MRPS6: variants seen among roughly 807,000 people sequenced by gnomAD.
The protein encoded by MRPS6 is mitochondrial ribosomal protein S6.
In MRPS6, 6 loss-of-function variants were observed where a neutral mutation model predicts 13.1. The observed-to-expected ratio is 0.46, with a 90% confidence interval of 0.25 to 0.91. The LOEUF (loss-of-function observed/expected upper bound fraction) is 0.91. Ranked by LOEUF, MRPS6 falls within the 40% of genes least tolerant of loss-of-function variation. The pLI is 0.18. For synonymous variants in MRPS6, 61 were observed against 56.5 expected (o/e 1.08, Z -0.36); for missense variants, 164 against 155.6 (o/e 1.05, Z -0.29).
At chr21:34,099,579 G>A (rs2211793) in intron 1 of MRPS6, 120,315 of 998,262 alleles carry the variant, frequency 0.12, 8,094 homozygotes, top group East Asian at 0.4. Context: ...CATATCCAGC[G>A]TAAATGAATA....
chr21:34,095,787 C>G lies in MRPS6; in HGVS notation c.45+22042C>G, dbSNP rs1978937993. The G allele has an allele frequency of 1.2e-6, 2 of 1,613,872 alleles. No individual in the cohort carries two copies. Among genetic ancestry groups the G allele is most frequent in the Non-Finnish European group, 1.7e-6 (2 of 1,179,966 alleles). On this transcript the variant is annotated intron_variant, in intron 1 of 2. Transcript: ENST00000399312. Reference sequence around the variant, plus strand: ...GGCTCTGCTCATGATCATTGGGGCACTTACACTTATGATTATTAGCATAAT... The same window carrying G: ...GGCTCTGCTCATGATCATTGGGGCAGTTACACTTATGATTATTAGCATAAT...
chr21:34,078,188 A>C (rs2148651851), intron 1 of MRPS6, among the ~76,000 whole-genome samples: 1 of 152,216 alleles, frequency 6.6e-6, no homozygotes, highest in East Asian at 1.9e-4. Flanking sequence ...TTAGCCTTGT[A>C]TCTTTAATAA....
chr21:34,091,861 T>C (rs1057362927), intron 1 of MRPS6, among the ~76,000 whole-genome samples: 1 of 152,170 alleles, frequency 6.6e-6, no homozygotes, highest in Admixed American at 6.5e-5. Flanking sequence ...CAGAAGCTTT[T>C]TAAGAAAAAA....
intron 1 of MRPS6, among the ~76,000 whole-genome samples, chr21:34,114,406 GAGTCA>G (rs1479080788): frequency 1.8e-4 from 27 of 152,140 alleles, no homozygotes; most frequent in Non-Finnish European, 2.8e-4. Flanking sequence ...AATTCAGCCA[GAGTCA>G]TTCATCTTTG....
intron 1 of MRPS6, chr21:34,125,076 G>C (rs1189273589): frequency 1.6e-5 from 6 of 364,474 alleles, no homozygotes; most frequent in Non-Finnish European, 2.4e-5. Context: ...CTGCCTCCCA[G>C]ATCCCTGGAG....
intron 1 of MRPS6, among the ~76,000 whole-genome samples, chr21:34,109,125 GA>G (rs1239324526): frequency 1.3e-5 from 2 of 152,054 alleles, no homozygotes; most frequent in Admixed American, 1.3e-4. Context: ...TTTTGTTCCT[GA>G]AATCTTTTTT....
chr21:34,135,358 T>G (rs911222634), intron 2 of MRPS6: 3 of 166,158 alleles, frequency 1.8e-5, no homozygotes, highest in African/African-American at 4.9e-5. Context: ...TTTTTTTTTT[T>G]TTTTTTTTTT....
chr21:34,141,957 G>A (rs1438495448), intron 2 of MRPS6, among the ~76,000 whole-genome samples: 1 of 152,190 alleles, frequency 6.6e-6, no homozygotes, highest in Non-Finnish European at 1.5e-5. Context: ...TGGGCTCATG[G>A]TTCTCTTAGG....
chr21:34,135,235 C>A (rs1980648761), intron 2 of MRPS6, among the ~76,000 whole-genome samples: 1 of 151,084 alleles, frequency 6.6e-6, no homozygotes, highest in Non-Finnish European at 1.5e-5. Flanking sequence ...TGTGTGGACA[C>A]ATGCTTTAAT....
chr21:34,136,958 G>A (rs1430701040), intron 2 of MRPS6, among the ~76,000 whole-genome samples: 1 of 152,054 alleles, frequency 6.6e-6, no homozygotes, highest in Non-Finnish European at 1.5e-5. Context: ...TTTTGCGTGT[G>A]GATACTGGAT....
At chr21:34,107,754 C>T (rs1472380173) in intron 1 of MRPS6, among the ~76,000 whole-genome samples, 1 of 152,112 alleles carries the variant, frequency 6.6e-6, no homozygotes, top group African/African-American at 2.4e-5. Flanking sequence ...TAGATGTTTC[C>T]AGATTTAGCT....
At chr21:34,104,105 T>C in intron 1 of MRPS6, 1 of 999,872 alleles carries the variant, frequency 1.0e-6, no homozygotes, top group Non-Finnish European at 1.2e-6. Context: ...CGTTTGTATG[T>C]GAGAGATGAA....
At position 34,096,718 on chromosome 21, in the gene MRPS6, A is replaced by T. The variant is rs767822490; in HGVS notation, c.45+22973A>T. On this transcript the variant is annotated intron_variant, in intron 1 of 2. Coordinates refer to ENST00000399312, the MANE Select transcript of MRPS6 (RefSeq NM_032476.4). The surrounding 1 kb of genome is among the most constrained non-coding windows in gnomAD (Gnocchi z 5.9). ...CCTGATAATAGGCCGGGCTTCATCAAAGACATCCATTATATGTATGTGGCC... is the reference window on the plus strand; with the variant it reads ...CCTGATAATAGGCCGGGCTTCATCATAGACATCCATTATATGTATGTGGCC... The T allele has an allele frequency of 1.2e-6, 2 of 1,614,092 alleles. No homozygotes were observed. Among genetic ancestry groups the T allele is most frequent in the Non-Finnish European group, 1.7e-6 (2 of 1,179,988 alleles).
intron 1 of MRPS6, among the ~76,000 whole-genome samples, chr21:34,117,701 A>G (rs1227516902): frequency 6.6e-6 from 1 of 152,174 alleles, no homozygotes; most frequent in African/African-American, 2.4e-5. Flanking sequence ...TTCAGCTTAC[A>G]TTTCTGATAC....
chr21:34,088,249 T>TA (rs1978497257), intron 1 of MRPS6, among the ~76,000 whole-genome samples: 1 of 152,178 alleles, frequency 6.6e-6, no homozygotes, highest in African/African-American at 2.4e-5. Flanking sequence ...ACTTAAGACT[T>TA]ACTATTTTTC....
chr21:34,090,420 A>G (rs897150184), intron 1 of MRPS6, among the ~76,000 whole-genome samples: 1 of 152,238 alleles, frequency 6.6e-6, no homozygotes, highest in African/African-American at 2.4e-5. Flanking sequence ...AGAATTTTAT[A>G]TACATTTTTT....
chr21:34,081,851 A>G (rs1381431147), intron 1 of MRPS6, among the ~76,000 whole-genome samples: 3 of 152,170 alleles, frequency 2.0e-5, no homozygotes, highest in African/African-American at 7.2e-5. Context: ...AACTTATTAT[A>G]TCTAAGTTTA....
chr21:34,108,070 T>A (rs1307979217), intron 1 of MRPS6, among the ~76,000 whole-genome samples: 1 of 152,180 alleles, frequency 6.6e-6, no homozygotes, highest in Non-Finnish European at 1.5e-5. Context: ...AGCTGAAAAG[T>A]TTCTGTAGCC....
chr21:34,101,219 T>A lies in MRPS6; in HGVS notation c.46-24122T>A, dbSNP rs16991212. Reference sequence around the variant, plus strand: ...AACAAATATTAGCTTAAAATCTGCATATGTAGAATCATTTTCATTAGATTT... The same window carrying A: ...AACAAATATTAGCTTAAAATCTGCAAATGTAGAATCATTTTCATTAGATTT... On this transcript the variant is annotated intron_variant, in intron 1 of 2. Transcript: ENST00000399312. The A allele has an allele frequency of 5.5e-3, 5,463 of 1,000,028 alleles. 106 individuals carry two copies. In the South Asian group the frequency reaches 0.078, roughly 14 times the overall value. The allele number at this position is 1,000,028 out of a possible 1,614,324, so 61.9% of individuals were successfully genotyped here.
Sources: allele counts gnomAD v4.1 joint callset (sites outside exome capture counted in the v4.1 genomes callset), GRCh38; gene constraint gnomAD v4.1.1; non-coding constraint Gnocchi (gnomAD v3.1); transcripts MANE v1.5; gene names NCBI Gene and HGNC (gene_info 2026-07-23, HGNC 2026-07-21).